Variants in MAP3K19 observed in about 807,000 individuals in gnomAD.
The protein encoded by MAP3K19 is SPS1/STE20-related protein kinase YSK4.
Under a neutral mutation model 114.4 loss-of-function variants are expected in MAP3K19, and 91 were observed. That is an observed-to-expected ratio of 0.80 (90% confidence interval 0.67 to 0.95). The LOEUF (loss-of-function observed/expected upper bound fraction) is 0.95, where lower values mean the gene tolerates loss of function less well. Ranked by LOEUF, MAP3K19 falls within the 40% of genes least tolerant of loss-of-function variation. The pLI, the probability that MAP3K19 is intolerant of heterozygous loss-of-function variation, is 0.00. For synonymous variants in MAP3K19, 518 were observed against 530.5 expected (o/e 0.98, Z 0.32); for missense variants, 1,471 against 1,573.2 (o/e 0.94, Z 1.10).
At chr2:135,001,526 G>A (rs888007051) in intron 6 of MAP3K19, among the ~76,000 whole-genome samples, 1 of 152,182 alleles carries the variant, frequency 6.6e-6, no homozygotes, top group African/African-American at 2.4e-5. Flanking sequence ...GCTCAAGGTC[G>A]TTCTCCTATT....
chr2:134,969,262 G>T (rs1683687669), intron 12 of MAP3K19, among the ~76,000 whole-genome samples: 1 of 152,154 alleles, frequency 6.6e-6, no homozygotes, highest in African/African-American at 2.4e-5. Context: ...TGAGGCAGGA[G>T]AATCAGGCAG....
At chr2:134,995,972 G>T (rs539817569) in intron 8 of MAP3K19, among the ~76,000 whole-genome samples, 1 of 151,982 alleles carries the variant, frequency 6.6e-6, no homozygotes, top group South Asian at 2.1e-4. Flanking sequence ...AAGAGATGAG[G>T]TCTGTCACCC....
At chr2:134,974,476 G>C (rs973819141) in intron 12 of MAP3K19, among the ~76,000 whole-genome samples, 14 of 152,252 alleles carry the variant, frequency 9.2e-5, no homozygotes, top group African/African-American at 3.1e-4. Context: ...GTACCCTGGA[G>C]AAGACCTTTC....
chr2:135,021,813 A>G lies in MAP3K19; in HGVS notation c.40T>C (p.Leu14=), dbSNP rs752322557. ...MPKPERHAES[L]LDICHDTNSS... ...TTTGTATCATGACAAATGTCAAGCA[A>G]TGACTCAGCATGTCTTTCTATCAAA... is the stretch of plus-strand genomic sequence containing the variant. Residue 14 remains leucine, a synonymous_variant, in exon 5 of 13, where the codon TTG becomes CTG. Transcript: ENST00000392915. 23 of 1,600,362 alleles carry G rather than the reference A, an allele frequency of 1.4e-5. No individual in the cohort carries two copies. The highest frequency in any genetic ancestry group is 1.9e-5 in the Non-Finnish European group (22 of 1,171,810).
intron 5 of MAP3K19, among the ~76,000 whole-genome samples, chr2:135,008,271 C>T (rs570384473): frequency 5.3e-5 from 8 of 152,092 alleles, no homozygotes; most frequent in East Asian, 1.9e-4. Context: ...TACAGGCACC[C>T]GCCACCATGC....
intron 2 of MAP3K19, among the ~76,000 whole-genome samples, chr2:135,037,652 C>T (rs11884938): frequency 0.071 from 10,773 of 152,112 alleles, 798 homozygotes; most frequent in African/African-American, 0.19. Flanking sequence ...TCCATGCAAA[C>T]TTTTCAAGCT....
In MAP3K19 at chr2:134,981,128, A is replaced by G. The variant is rs1457456871; in HGVS notation, c.3613T>C (p.Phe1205Leu). ...MPTGIIKLID[F>L]GCARRLAWAG... Reference sequence around the variant, plus strand: ...CAGGCCAAACGCCTGGCACAGCCAAAGTCAATCAGCTTTATTATTCCAGTT... The same window carrying G: ...CAGGCCAAACGCCTGGCACAGCCAAGGTCAATCAGCTTTATTATTCCAGTT... Residue 1205 changes from phenylalanine to leucine, a missense_variant, in exon 12 of 13, where the codon TTT (phenylalanine) becomes CTT (leucine). Physicochemically the swap from Phe to Leu is conservative, Grantham distance 22. Coordinates refer to ENST00000392915, the MANE Select transcript of MAP3K19 (RefSeq NM_025052.5). The G allele has an allele frequency of 6.2e-7, 1 of 1,614,202 alleles. No homozygotes were observed. The highest frequency in any genetic ancestry group is 8.5e-7 in the Non-Finnish European group (1 of 1,180,018).
rs148961948 is a variant in MAP3K19, at chr2:134,988,209, G to A, written c.663C>T (p.Val221=). The change falls in exon 10 of 13, where the codon GTC becomes GTT. Residue 221 remains valine, a synonymous_variant. Coordinates refer to ENST00000392915, the MANE Select transcript of MAP3K19 (RefSeq NM_025052.5). The part of the protein sequence containing the change: ...PLSLLPTRSG[V]LTIPQNHKFP... Reference sequence around the variant, plus strand: ...ACTTGTGATTTTGGGGGATAGTAAGGACACCAGATCGCGTGGGCAAGAGTG... The same window carrying A: ...ACTTGTGATTTTGGGGGATAGTAAGAACACCAGATCGCGTGGGCAAGAGTG... 1.7e-4 allele frequency: 275 copies of A among 1,605,954 alleles called. No homozygotes were observed. The highest frequency in any genetic ancestry group is 2.1e-4 in the Non-Finnish European group (251 of 1,176,706).
At chr2:135,037,588 T>C (rs1281092706) in intron 2 of MAP3K19, among the ~76,000 whole-genome samples, 3 of 152,174 alleles carry the variant, frequency 2.0e-5, no homozygotes, top group African/African-American at 7.2e-5. Flanking sequence ...CATGTCTCCA[T>C]GGGTCTCTTA....
chr2:135,041,706 G>A (rs1688648960), intron 1 of MAP3K19, among the ~76,000 whole-genome samples: 1 of 152,136 alleles, frequency 6.6e-6, no homozygotes, highest in East Asian at 1.9e-4. Flanking sequence ...TGACACTACA[G>A]TCACTGTATG....
In MAP3K19 at chr2:134,999,018, T is replaced by C; in HGVS notation, c.315-21A>G. On this transcript the variant is annotated intron_variant, in intron 7 of 12. Coordinates refer to ENST00000392915, the MANE Select transcript of MAP3K19 (RefSeq NM_025052.5). This position sits in a 1 kb window ranked among gnomAD's most constrained non-coding sequence, Gnocchi z 4.1. ...TCAGACTAAAGGGGGAGGGAAATGT[T>C]TGATTTAAAACTCAGTTGCCACATC... 1 of 1,601,344 alleles carries C rather than the reference T, an allele frequency of 6.2e-7. No individual in the cohort carries two copies.
chr2:135,005,069 G>T (rs1421035747), intron 6 of MAP3K19, among the ~76,000 whole-genome samples: 1 of 152,168 alleles, frequency 6.6e-6, no homozygotes, highest in Admixed American at 6.5e-5. Flanking sequence ...TTCAGATATG[G>T]ACCAAAAGGT....
chr2:134,994,364 G>A (rs910721308), intron 8 of MAP3K19, among the ~76,000 whole-genome samples: 2 of 152,294 alleles, frequency 1.3e-5, no homozygotes, highest in Admixed American at 6.5e-5. Context: ...AGACTGAAAC[G>A]AGAGGGTGCT....
rs1685069481 is a variant in MAP3K19 at position 134,986,016 on chromosome 2, A to T, written c.2856T>A (p.Ile952=). The part of the protein sequence containing the change: ...FGKTLSGTNS[I]SQEIMDSVNN... ...TTACAGAGTCCATAATTTCTTGGGA[A>T]ATTGAATTTGTGCCACTTAAGGTTT... The change falls in exon 10 of 13, where the codon ATT becomes ATA. Residue 952 remains isoleucine (I), a synonymous_variant. Transcript: ENST00000392915. The T allele has an allele frequency of 6.2e-7, 1 of 1,613,256 alleles. No individual in the cohort carries two copies. The highest frequency in any genetic ancestry group is 1.1e-5 in the South Asian group (1 of 90,714).
rs767774254 is a variant in MAP3K19, at chr2:134,987,934, A to T, written c.938T>A (p.Ile313Lys). The T allele has an allele frequency of 1.9e-6, 3 of 1,613,922 alleles. No homozygotes were observed. In the Admixed American group the frequency reaches 5.0e-5, roughly 27 times the overall value. The change falls in exon 10 of 13, where the codon ATA becomes AAA. Residue 313 changes from isoleucine to lysine, a missense_variant. Physicochemically the swap from Ile to Lys is moderately radical, Grantham distance 102 (BLOSUM62 -3). Coordinates refer to ENST00000392915, the MANE Select transcript of MAP3K19 (RefSeq NM_025052.5). ...EKEENWKSKEIEECNKIEITH... is the reference protein window; with the variant it reads ...EKEENWKSKEKEECNKIEITH... ...GATTTCAATTTTGTTACATTCTTCT[A>T]TTTCCTTGGATTTCCAGTTTTCCTC...
chr2:134,981,370 A>T lies in MAP3K19; in HGVS notation c.3371T>A (p.Val1124Glu). The T allele has an allele frequency of 6.2e-7, 1 of 1,614,198 alleles. No individual in the cohort carries two copies. Among genetic ancestry groups the T allele is most frequent in the South Asian group, 1.1e-5 (1 of 91,084 alleles). The change falls in exon 12 of 13, where the codon GTG becomes GAG. Residue 1124 changes from valine (V) to glutamate (E), a missense_variant. Physicochemically the swap from Val to Glu is moderately radical, Grantham distance 121. Transcript: ENST00000392915. ...TTGCAAGCATGTCCCCAAATAGGCC[A>T]CAATGTTGACATGTTTCAGTGCTTT... is the stretch of plus-strand genomic sequence containing the variant. ...LLKALKHVNI[V>E]AYLGTCLQEN...
chr2:134,965,772 A>G (rs1683296544), intron 12 of MAP3K19, among the ~76,000 whole-genome samples: 1 of 152,224 alleles, frequency 6.6e-6, no homozygotes, highest in Non-Finnish European at 1.5e-5. Flanking sequence ...TGAAATACAG[A>G]ATACATTGTT....
In MAP3K19 at chr2:134,985,816, G is replaced by A; in HGVS notation, c.3056C>T (p.Thr1019Ile). 14 of 1,603,098 alleles carry A rather than the reference G, an allele frequency of 8.7e-6. No individual in the cohort carries two copies. Among genetic ancestry groups the A allele is most frequent in the Non-Finnish European group, 1.2e-5 (14 of 1,175,688 alleles). Residue 1019 changes from threonine to isoleucine, a missense_variant, in exon 10 of 13, where the codon ACA (threonine) becomes ATA (isoleucine). Coordinates refer to ENST00000392915, the MANE Select transcript of MAP3K19 (RefSeq NM_025052.5). ...TATACCAACCTGTATTTTGACTTTT[G>A]TTGTCTCTCTGCCCATTTCTTTTGG... Reference protein sequence around the residue: ...STPKEMGRETTKVKIQRHSSG... With the variant: ...STPKEMGRETIKVKIQRHSSG...
chr2:135,031,571 G>C (rs1345254841), intron 2 of MAP3K19, among the ~76,000 whole-genome samples: 4 of 152,222 alleles, frequency 2.6e-5, no homozygotes, highest in Non-Finnish European at 5.9e-5. Context: ...TAGGCAGACA[G>C]TGAAAGATTT....
Sources: gnomAD v4.1 joint callset for allele counts (sites outside exome capture counted in the v4.1 genomes callset) on GRCh38, gnomAD v4.1.1 for gene constraint, Gnocchi (gnomAD v3.1) non-coding constraint, MANE v1.5 for transcripts, NCBI Gene and HGNC (gene_info 2026-07-23, HGNC 2026-07-21) for gene names.